MXI1: variants seen among roughly 807,000 people sequenced by gnomAD.
The protein encoded by MXI1 is max-interacting protein 1.
Under a neutral mutation model 36.9 loss-of-function variants are expected in MXI1, and 18 were observed. That is an observed-to-expected ratio of 0.49 (90% CI 0.34 to 0.72). MXI1 has a LOEUF of 0.72. Among genes scored for constraint, MXI1 ranks in the 30% least tolerant of loss-of-function variants. The pLI, the probability that MXI1 is intolerant of heterozygous loss-of-function variation, is 0.01. For missense variants in MXI1, 304 were observed against 379.1 expected (o/e 0.80, Z 1.64); for synonymous variants, 160 against 146.7 (o/e 1.09, Z -0.65).
In MXI1 at chr10:110,286,400, C is replaced by T. The variant is rs945186423; in HGVS notation, c.*1413C>T. 1.3e-5 allele frequency: 2 copies of T among 152,134 alleles called. No individual in the cohort carries two copies. The highest frequency in any genetic ancestry group is 4.8e-5 in the African/African-American group (2 of 41,258). The allele number at this position is 152,134 out of a possible 1,614,324, so 9.4% of individuals were successfully genotyped here. On this transcript the variant is annotated 3_prime_UTR_variant, in exon 6 of 6. Transcript: ENST00000332674. ...CAAACTCCAAGGTTCCCTTGTGGCC[C>T]TCTCCCTTACCCTGGGAAGGCCTCT...
Position 110,256,508 on chromosome 10 carries a change from C to G in MXI1, c.437+11651C>G, listed in dbSNP as rs1298973318. On this transcript the variant is annotated intron_variant, in intron 3 of 5. Coordinates refer to ENST00000332674, the MANE Select transcript of MXI1 (RefSeq NM_130439.3). The stretch of plus-strand genomic sequence containing the variant: ...ATCCCAGCTACTCGGGAGGCTGAGG[C>G]AGGAGAATCACTTGAACCAAGGCAG... Among the ~76,000 whole-genome samples the G allele has an allele frequency of 2.1e-5, 3 of 139,902 alleles. No homozygotes were observed. The Admixed American group carries it at 2.4e-4, about 11-fold the overall frequency. The allele number at this position is 139,902 out of a possible 152,430, so 91.8% of individuals were successfully genotyped here.
chr10:110,260,976 A>G (rs183016497), intron 3 of MXI1: 1 of 984,180 alleles, frequency 1.0e-6, no homozygotes, highest in African/African-American at 1.7e-5. Context: ...TTGTAACTGT[A>G]TTATATTGTT....
intron 1 of MXI1, among the ~76,000 whole-genome samples, chr10:110,218,342 C>T (rs902577547): frequency 7.3e-5 from 11 of 151,606 alleles, no homozygotes; most frequent in East Asian, 1.9e-4. Flanking sequence ...CCCAGCTACT[C>T]GGGAGGCTGA....
At chr10:110,246,957 A>G (rs1383203046) in intron 3 of MXI1, among the ~76,000 whole-genome samples, 4 of 152,194 alleles carry the variant, frequency 2.6e-5, no homozygotes, top group Non-Finnish European at 5.9e-5. Context: ...AAATTAGATC[A>G]TAGAGTATGT....
intron 2 of MXI1, among the ~76,000 whole-genome samples, chr10:110,240,230 G>T (rs1855622728): frequency 6.6e-6 from 1 of 152,010 alleles, no homozygotes; most frequent in African/African-American, 2.4e-5. Flanking sequence ...GCATTCTTTT[G>T]TATGTCCTTT....
chr10:110,236,549 C>T (rs971628060), intron 2 of MXI1, among the ~76,000 whole-genome samples: 5 of 152,066 alleles, frequency 3.3e-5, no homozygotes, highest in Admixed American at 6.6e-5. Flanking sequence ...TTAACCTTCT[C>T]GGGCTCAGGT....
rs1473384416 is a variant in MXI1, at chr10:110,286,045, ACT to A, written c.*1061_*1062del. The A allele has an allele frequency of 1.3e-5, 2 of 152,312 alleles. No homozygotes were observed. The highest frequency in any genetic ancestry group is 2.9e-5 in the Non-Finnish European group (2 of 67,964). 9.4% of individuals were successfully genotyped at this position (152,312 alleles called of 1,614,324 possible). A position where few individuals can be genotyped will look rare whatever the true frequency, so the allele number is the denominator to read the frequency against. ...ATAATGATAAAACACCTCACACCTC[ACT>A]CTTTATAGTGCACAAAATGAATGAG... On this transcript the variant is annotated 3_prime_UTR_variant, in exon 6 of 6. Coordinates refer to ENST00000332674, the MANE Select transcript of MXI1 (RefSeq NM_130439.3).
At chr10:110,212,797 G>A (rs967717698) in intron 1 of MXI1, among the ~76,000 whole-genome samples, 1 of 152,168 alleles carries the variant, frequency 6.6e-6, no homozygotes, top group African/African-American at 2.4e-5. Flanking sequence ...TATAATAGGT[G>A]CTCAATAAAT....
intron 2 of MXI1, among the ~76,000 whole-genome samples, chr10:110,229,035 C>T (rs1010797244): frequency 3.9e-5 from 6 of 152,114 alleles, no homozygotes; most frequent in African/African-American, 1.2e-4. Flanking sequence ...ACCTGGATGA[C>T]ATAGTGAAAC....
chr10:110,250,960 A>G lies in MXI1; in HGVS notation c.437+6103A>G, dbSNP rs571530194. ...TCAAAACAAAAGGCTTATCCTTATT[A>G]TAACTTTGGCAAAGCTAGAAGGGCC... On this transcript the variant is annotated intron_variant, in intron 3 of 5. Coordinates refer to ENST00000332674, the MANE Select transcript of MXI1 (RefSeq NM_130439.3). Among the ~76,000 whole-genome samples, 29 of 130,616 alleles carry G rather than the reference A, an allele frequency of 2.2e-4. 1 individual carries two copies. Among genetic ancestry groups the G allele is most frequent in the Non-Finnish European group, 3.8e-4 (24 of 62,354 alleles). The allele number at this position is 130,616 out of a possible 152,430, so 85.7% of individuals were successfully genotyped here.
At position 110,207,772 on chromosome 10, in the gene MXI1, C is replaced by A; in HGVS notation, c.-37C>A. 3 of 1,131,762 alleles carry A rather than the reference C, an allele frequency of 2.7e-6. No homozygotes were observed. Among genetic ancestry groups the A allele is most frequent in the Non-Finnish European group, 3.3e-6 (3 of 921,030 alleles). The allele number at this position is 1,131,762 out of a possible 1,614,324, so 70.1% of individuals were successfully genotyped here. On this transcript the variant is annotated 5_prime_UTR_variant, in exon 1 of 6. Coordinates refer to ENST00000332674, the MANE Select transcript of MXI1 (RefSeq NM_130439.3). ...CGGAGCTCGGCCGGGCCGCGCAGCC[C>A]CGTTAGAGGACGAGCTCGGCGGACC...
At chr10:110,273,973 G>C (rs566834303) in intron 3 of MXI1, among the ~76,000 whole-genome samples, 2 of 152,282 alleles carry the variant, frequency 1.3e-5, no homozygotes, top group South Asian at 4.1e-4. Context: ...AGTTTGTTCC[G>C]AAAGGGTATT....
At chr10:110,266,609 T>A (rs1218057775) in intron 3 of MXI1, among the ~76,000 whole-genome samples, 1 of 152,202 alleles carries the variant, frequency 6.6e-6, no homozygotes, top group Non-Finnish European at 1.5e-5. Context: ...CCCTCCATAA[T>A]TTCTTAGAGG....
chr10:110,208,709 T>A (rs1247041866), intron 1 of MXI1: 1 of 147,164 alleles, frequency 6.8e-6, no homozygotes, highest in Non-Finnish European at 1.5e-5. Context: ...ACAGTCCCCC[T>A]GCACGTCCGT....
intron 3 of MXI1, among the ~76,000 whole-genome samples, chr10:110,265,700 A>C (rs1307103366): frequency 1.3e-5 from 2 of 152,222 alleles, no homozygotes; most frequent in African/African-American, 4.8e-5. Context: ...AGCTCCTATA[A>C]GCAGCATATA....
intron 2 of MXI1, among the ~76,000 whole-genome samples, chr10:110,234,623 T>C (rs1855392204): frequency 6.6e-6 from 1 of 152,198 alleles, no homozygotes; most frequent in Non-Finnish European, 1.5e-5. Context: ...CATGCCTGAC[T>C]CTTAAAATGA....
intron 1 of MXI1, among the ~76,000 whole-genome samples, chr10:110,209,339 G>A (rs1182266855): frequency 1.3e-5 from 2 of 150,254 alleles, no homozygotes; most frequent in Admixed American, 6.6e-5. Context: ...GTGTGTGTGT[G>A]AGAGAGAGAG....
At chr10:110,242,709 T>G (rs754319009) in intron 2 of MXI1, among the ~76,000 whole-genome samples, 1 of 152,036 alleles carries the variant, frequency 6.6e-6, no homozygotes, top group Non-Finnish European at 1.5e-5. Flanking sequence ...TATGATCTTT[T>G]GGAGCTAGCT....
intron 1 of MXI1, among the ~76,000 whole-genome samples, chr10:110,217,931 C>T (rs191988269): frequency 1.1e-3 from 164 of 152,256 alleles, no homozygotes; most frequent in African/African-American, 3.1e-3. Context: ...CACAATGCTA[C>T]GTGCTTTATA....
Sources: gnomAD v4.1 joint callset for allele counts (sites outside exome capture counted in the v4.1 genomes callset) on GRCh38, gnomAD v4.1.1 for gene constraint, MANE v1.5 for transcripts, NCBI Gene and HGNC (gene_info 2026-07-23, HGNC 2026-07-21) for gene names.